NIPBL: variants seen among roughly 807,000 people sequenced by gnomAD.
NIPBL encodes nipped-B-like protein.
NIPBL carries 19 observed loss-of-function variants against 321.8 expected under a neutral mutation model. That is an observed-to-expected ratio of 0.06 (90% CI 0.04 to 0.09). The LOEUF is 0.09. Among genes scored for constraint, NIPBL ranks in the 10% least tolerant of loss-of-function variants. NIPBL has a pLI of 1.00. For synonymous variants in NIPBL, 1,106 were observed against 1,114.1 expected (o/e 0.99, Z 0.14); for missense variants, 2,210 against 3,327.0 (o/e 0.66, Z 8.26).
chr5:36,945,382 TTTTA>T, intron 1 of NIPBL, among the ~76,000 whole-genome samples: 1 of 152,320 alleles, frequency 6.6e-6, no homozygotes, highest in East Asian at 1.9e-4. Flanking sequence ...TTGCTTATTG[TTTTA>T]TTTCTCAGCA....
chr5:37,016,077 G>C lies in NIPBL; in HGVS notation c.4683G>C (p.Leu1561=), dbSNP rs756897581. ...AAGGTGAAGAAGATTACAGACCACT[G>C]TTTGAAAATTTTGTTCAAGACCTTC... ...SKQGEEDYRP[L]FENFVQDLLS... The change falls in exon 23 of 47, where the codon CTG becomes CTC. Residue 1561 remains leucine (L), a synonymous_variant. Coordinates refer to ENST00000282516, the MANE Select transcript of NIPBL (RefSeq NM_133433.4). 46 of 1,613,814 alleles carry C rather than the reference G, an allele frequency of 2.9e-5. No individual in the cohort carries two copies. Among genetic ancestry groups the C allele is most frequent in the Admixed American group, 2.3e-4 (14 of 59,990 alleles).
At chr5:37,062,162 T>C (rs568668987) in intron 45 of NIPBL, among the ~76,000 whole-genome samples, 30 of 152,306 alleles carry the variant, frequency 2.0e-4, no homozygotes, top group African/African-American at 7.0e-4. Flanking sequence ...ATTGTGGCAT[T>C]TTCCAAATAG....
intron 42 of NIPBL, among the ~76,000 whole-genome samples, chr5:37,054,263 G>A (rs1258320028): frequency 6.6e-6 from 1 of 150,380 alleles, no homozygotes; most frequent in African/African-American, 2.4e-5. Context: ...GCAGATTTTT[G>A]CAATAAAGCA....
chr5:37,019,463 T>C lies in NIPBL; in HGVS notation c.5010+63T>C, dbSNP rs930203540. 4 of 1,207,598 alleles carry C rather than the reference T, an allele frequency of 3.3e-6. No individual in the cohort carries two copies. The African/African-American group carries it at 6.0e-5, about 18-fold the overall frequency. The allele number at this position is 1,207,598 out of a possible 1,614,324, so 74.8% of individuals were successfully genotyped here. On this transcript the variant is annotated intron_variant, in intron 25 of 46. Transcript: ENST00000282516. ...TTTATTTAAATTGGGTTTAAGAAAA[T>C]TGGGAGGTAGCATGATGAAGAGGAA...
At chr5:36,960,341 T>C (rs1304600967) in intron 4 of NIPBL, among the ~76,000 whole-genome samples, 1 of 151,610 alleles carries the variant, frequency 6.6e-6, no homozygotes, top group African/African-American at 2.4e-5. Context: ...TCCTGTCTCA[T>C]TGAGTGTTCA....
chr5:37,042,203 G>C (rs1051574559), intron 34 of NIPBL, among the ~76,000 whole-genome samples: 1 of 151,930 alleles, frequency 6.6e-6, no homozygotes, highest in Admixed American at 6.6e-5. Flanking sequence ...TTGGGAGGCC[G>C]AGGCAGGCGG....
chr5:36,982,597 A>T (rs955107699), intron 9 of NIPBL, among the ~76,000 whole-genome samples: 9 of 151,984 alleles, frequency 5.9e-5, no homozygotes, highest in South Asian at 2.1e-4. Context: ...ACTTTCATAC[A>T]TTTTTTATTA....
Position 36,886,468 on chromosome 5 carries a change from A to ACCAG in NIPBL, c.-80+9291_-80+9294dup, listed in dbSNP as rs1407097922. 19 of 754,312 alleles carry ACCAG rather than the reference A, an allele frequency of 2.5e-5. No homozygotes were observed. In the Admixed American group the frequency reaches 3.0e-4, roughly 12 times the overall value. 46.7% of individuals were successfully genotyped at this position (754,312 alleles called of 1,614,324 possible). A position where few individuals can be genotyped will look rare whatever the true frequency, so the allele number is the denominator to read the frequency against. ...AGTGGATGGCAGAGTGGTGTCTGAG[A>ACCAG]CCAGTGACACCAAAGTTCTGAGACA... On this transcript the variant is annotated intron_variant, in intron 1 of 46. Transcript: ENST00000282516.
At chr5:37,039,746 A>G (rs1164963979) in intron 34 of NIPBL, among the ~76,000 whole-genome samples, 1 of 152,084 alleles carries the variant, frequency 6.6e-6, no homozygotes, top group Non-Finnish European at 1.5e-5. Context: ...TGATTATCCA[A>G]ATTACAAGCT....
chr5:36,972,668 C>T (rs1580364016), intron 8 of NIPBL, among the ~76,000 whole-genome samples: 1 of 152,112 alleles, frequency 6.6e-6, no homozygotes, highest in African/African-American at 2.4e-5. Context: ...ATTTCCAATT[C>T]ATCTTCAAAA....
chr5:36,919,074 T>C (rs936913523), intron 1 of NIPBL, among the ~76,000 whole-genome samples: 1 of 152,138 alleles, frequency 6.6e-6, no homozygotes, highest in Non-Finnish European at 1.5e-5. Flanking sequence ...CTTTTTCTCT[T>C]GATTGGAATA....
chr5:37,064,308 G>A, intron 46 of NIPBL: 2 of 1,412,484 alleles, frequency 1.4e-6, no homozygotes, highest in Non-Finnish European at 1.8e-6. Flanking sequence ...ATATCAATAA[G>A]AGTAAAGACA....
chr5:36,969,884 G>A (rs1742661803), intron 6 of NIPBL, among the ~76,000 whole-genome samples: 1 of 152,130 alleles, frequency 6.6e-6, no homozygotes, highest in African/African-American at 2.4e-5. Context: ...TATTTAGTAA[G>A]GTTAAAATAT....
At chr5:36,935,448 C>A (rs1738304335) in intron 1 of NIPBL, among the ~76,000 whole-genome samples, 1 of 152,118 alleles carries the variant, frequency 6.6e-6, no homozygotes, top group African/African-American at 2.4e-5. Context: ...TGCATCAAGT[C>A]TAGTGATCAG....
chr5:36,957,724 T>A (rs1463459849), intron 3 of NIPBL, among the ~76,000 whole-genome samples: 2 of 152,198 alleles, frequency 1.3e-5, no homozygotes, highest in African/African-American at 2.4e-5. Flanking sequence ...GGCTCACACC[T>A]GTAATCCCAG....
chr5:37,033,685 T>TACACACACACACACACACAC (rs372949399), intron 32 of NIPBL, among the ~76,000 whole-genome samples: 1 of 65,042 alleles, frequency 1.5e-5, no homozygotes, highest in African/African-American at 8.8e-5. Flanking sequence ...TATATGTACA[T>TACACACACACACACACACAC]ACACACACAC....
rs909015984 is a variant in NIPBL, at chr5:37,065,549, A to C, written c.*657A>C. ...ATTTCTTATTGTAAAAATCTGTTTA[A>C]ATCCATTTATATTATTTTACAGTCT... On this transcript the variant is annotated 3_prime_UTR_variant, in exon 47 of 47. Transcript: ENST00000282516. The C allele has an allele frequency of 6.6e-6, 1 of 152,664 alleles. No individual in the cohort carries two copies. Among genetic ancestry groups the C allele is most frequent in the African/African-American group, 2.4e-5 (1 of 41,456 alleles). The allele number at this position is 152,664 out of a possible 1,614,324, so 9.5% of individuals were successfully genotyped here. A position where few individuals can be genotyped will look rare whatever the true frequency, so the allele number is the denominator to read the frequency against.
chr5:36,931,391 C>T (rs974913687), intron 1 of NIPBL, among the ~76,000 whole-genome samples: 6 of 150,190 alleles, frequency 4.0e-5, no homozygotes, highest in African/African-American at 1.5e-4. Flanking sequence ...GATCTCGGCT[C>T]ACTGCAGCCT....
Position 37,064,940 on chromosome 5 carries a change from G to A in NIPBL, c.*48G>A, listed in dbSNP as rs747157787. 1.2e-6 allele frequency: 2 copies of A among 1,609,900 alleles called. No individual in the cohort carries two copies. Among genetic ancestry groups the A allele is most frequent in the South Asian group, 1.1e-5 (1 of 90,802 alleles). ...TTTACAGGAATTTTTTTAAAAGGCAGAAAAACTTGAAATACCAACATTCTG... is the reference window on the plus strand; with the variant it reads ...TTTACAGGAATTTTTTTAAAAGGCAAAAAAACTTGAAATACCAACATTCTG... On this transcript the variant is annotated 3_prime_UTR_variant, in exon 47 of 47. Coordinates refer to ENST00000282516, the MANE Select transcript of NIPBL (RefSeq NM_133433.4).
Sources: allele counts gnomAD v4.1 joint callset (sites outside exome capture counted in the v4.1 genomes callset), GRCh38; gene constraint gnomAD v4.1.1; transcripts MANE v1.5; gene names NCBI Gene and HGNC (gene_info 2026-07-23, HGNC 2026-07-21).